The following ABCA2 variants were observed in gnomAD, a reference collection of about 807,000 sequenced individuals.
The protein encoded by ABCA2 is ATP-binding cassette sub-family A member 2.
A neutral mutation model predicts 262.8 loss-of-function variants in ABCA2; 84 were observed. The ratio of observed to expected loss-of-function variants is 0.32; its 90% confidence interval spans 0.27 to 0.38. The LOEUF (loss-of-function observed/expected upper bound fraction) is 0.38, where lower values mean the gene tolerates loss of function less well. Ranked by LOEUF, ABCA2 falls within the 10% of genes least tolerant of loss-of-function variation. The pLI, the probability that ABCA2 is intolerant of heterozygous loss-of-function variation, is 1.00. For synonymous variants in ABCA2, 1,696 were observed against 1,502.9 expected (o/e 1.13, Z -2.97); for missense variants, 2,662 against 3,405.9 (o/e 0.78, Z 5.44).
In ABCA2 at chr9:137,009,727, G is replaced by T. The variant is rs201527414; in HGVS notation, c.6630+42C>A. ...TGCCCCTGCCCGTGCTCACCAGGAA[G>T]TCAAAGGCCAGGCAGCCACCCCCCA... On this transcript the variant is annotated intron_variant, in intron 43 of 48. Transcript: ENST00000341511. The T allele has an allele frequency of 6.2e-5, 100 of 1,608,970 alleles. No homozygotes were observed. In the East Asian group the frequency reaches 2.2e-3, roughly 36 times the overall value.
At chr9:137,010,578 G>A (rs776644290) in intron 40 of ABCA2, 42 bp downstream of exon 40, 3 of 1,459,636 alleles carry the variant, frequency 2.1e-6, no homozygotes, top group Non-Finnish European at 1.9e-6. Context: ...CCTGGCCCTG[G>A]CCTACCCCAC....
intron 1 of ABCA2, among the ~76,000 whole-genome samples, chr9:137,025,058 C>T (rs1831606689): frequency 6.6e-6 from 1 of 152,210 alleles, no homozygotes; most frequent in South Asian, 2.1e-4. Flanking sequence ...TGGGCGTGAG[C>T]CACCACACCT....
Position 137,007,876 on chromosome 9 carries a change from C to T in ABCA2, c.*53G>A. On this transcript the variant is annotated 3_prime_UTR_variant, in exon 49 of 49. Coordinates refer to ENST00000341511, the MANE Select transcript of ABCA2 (RefSeq NM_001606.5). ...TCTGTCCCCATTGTTGAGTCCCTGG[C>T]CCAGCTCTGGGTGGTCAGTGGAGCG... The T allele has an allele frequency of 1.9e-6, 3 of 1,600,062 alleles. No individual in the cohort carries two copies. Among genetic ancestry groups the T allele is most frequent in the Non-Finnish European group, 2.5e-6 (3 of 1,178,406 alleles).
intron 3 of ABCA2, 106 bp downstream of exon 3, chr9:137,023,732 G>A (rs191727635): frequency 1.0e-4 from 73 of 710,850 alleles, no homozygotes; most frequent in Admixed American, 5.2e-4. Context: ...CAGGGGGCCC[G>A]GGAGGGCTGT....
At chr9:137,023,102 A>G in intron 3 of ABCA2, 50 bp from the exon 4 acceptor site, 1 of 1,395,616 alleles carries the variant, frequency 7.2e-7, no homozygotes, top group Non-Finnish European at 9.9e-7. Context: ...GGGGAGAGAG[A>G]GAGAGAGGAA....
rs1831715020 is a variant in ABCA2, at chr9:137,028,003, G to C, written c.66+72C>G. ...CGCGCGCCCGGCCGTCCGCACGTGCGCGCGGGGAGCGCGCCTCTGGCCGCG... is the reference window on the plus strand; with the variant it reads ...CGCGCGCCCGGCCGTCCGCACGTGCCCGCGGGGAGCGCGCCTCTGGCCGCG... On this transcript the variant is annotated intron_variant, in intron 1 of 48. Coordinates refer to ENST00000341511, the MANE Select transcript of ABCA2 (RefSeq NM_001606.5). The surrounding 1 kb of genome is among the most constrained non-coding windows in gnomAD (Gnocchi z 6.9). 1.2e-6 allele frequency: 1 copy of C among 866,654 alleles called. No homozygotes were observed. Among genetic ancestry groups the C allele is most frequent in the African/African-American group, 1.8e-5 (1 of 54,306 alleles). The allele number at this position is 866,654 out of a possible 1,614,324, so 53.7% of individuals were successfully genotyped here.
intron 1 of ABCA2, among the ~76,000 whole-genome samples, chr9:137,024,913 C>T (rs921467312): frequency 1.3e-5 from 2 of 152,094 alleles, no homozygotes; most frequent in African/African-American, 4.8e-5. Context: ...ATTCTCTTGC[C>T]TCAGCCTCTC....
Position 137,021,082 on chromosome 9 carries a change from G to C in ABCA2, c.898-21C>G. 6.8e-7 allele frequency: 1 copy of C among 1,465,232 alleles called. No individual in the cohort carries two copies. The highest frequency in any genetic ancestry group is 9.0e-7 in the Non-Finnish European group (1 of 1,108,694). The allele number at this position is 1,465,232 out of a possible 1,614,324, so 90.8% of individuals were successfully genotyped here. A position where few individuals can be genotyped will look rare whatever the true frequency, so the allele number is the denominator to read the frequency against. On this transcript the variant is annotated intron_variant, in intron 8 of 48. Transcript: ENST00000341511. The surrounding 1 kb of genome is among the most constrained non-coding windows in gnomAD (Gnocchi z 6.0). ...CCCAGCTGAGGGGAAACAGGCACGT[G>C]GGCAGTGCGGGGTGAGATGGACTGC... is the stretch of plus-strand genomic sequence containing the variant.
intron 48 of ABCA2, chr9:137,008,196 C>G: frequency 1.2e-6 from 1 of 807,076 alleles, no homozygotes; most frequent in South Asian, 1.5e-5. Context: ...CTGCCCCACC[C>G]TTGCTCTGTG....
chr9:137,015,131 T>C (rs2131445136), intron 24 of ABCA2, 34 bp from the exon 25 acceptor site: 2 of 1,543,616 alleles, frequency 1.3e-6, no homozygotes, highest in Non-Finnish European at 1.7e-6. Flanking sequence ...AGGAATTCAC[T>C]CAGGGGCTGG....
chr9:137,012,913 G>A lies in ABCA2; in HGVS notation c.4880C>T (p.Ser1627Leu), dbSNP rs749362777. ...PPTAGPEMWT[S>L]APSLPRLVRE... The stretch of plus-strand genomic sequence containing the variant: ...TACCAGGCGCGGCAGGGAGGGTGCC[G>A]ACGTCCACATTTCTGTGGGCACAGC... The change falls in exon 31 of 49, where the codon TCG becomes TTG. Residue 1627 changes from serine (S) to leucine (L), a missense_variant. Physicochemically the swap from Ser to Leu is moderately radical, Grantham distance 145. Coordinates refer to ENST00000341511, the MANE Select transcript of ABCA2 (RefSeq NM_001606.5). 1.4e-5 allele frequency: 22 copies of A among 1,523,544 alleles called. No homozygotes were observed. Among genetic ancestry groups the A allele is most frequent in the East Asian group, 1.4e-4 (6 of 41,852 alleles). The allele number at this position is 1,523,544 out of a possible 1,614,324, so 94.4% of individuals were successfully genotyped here.
intron 3 of ABCA2, chr9:137,023,300 C>T (rs1405879776): frequency 1.1e-5 from 7 of 658,686 alleles, no homozygotes; most frequent in East Asian, 8.2e-5. Context: ...TGCCATAACT[C>T]CCAGAGCATT....
rs560729664 is a variant in ABCA2 at position 137,016,769 on chromosome 9, C to T, written c.2759-31G>A. The stretch of plus-strand genomic sequence containing the variant: ...GGTCGGGGAGGGGAGGGGAGGCTGA[C>T]CTAGGGCCTGGGGTGACCATCCACC... On this transcript the variant is annotated intron_variant, in intron 19 of 48. Transcript: ENST00000341511. The T allele has an allele frequency of 7.9e-5, 121 of 1,540,646 alleles. 4 individuals are homozygous for T. The South Asian group carries it at 1.5e-3, about 19-fold the overall frequency.
chr9:137,014,429 G>C lies in ABCA2; in HGVS notation c.4004-25C>G, dbSNP rs1564218480. 3 of 1,561,804 alleles carry C rather than the reference G, an allele frequency of 1.9e-6. No homozygotes were observed. In the Admixed American group the frequency reaches 5.6e-5, roughly 29 times the overall value. ...TCTGCCGCAGTGGAAGGGCCGAGGG[G>C]ACACTCAGGGCTACTGGCCCCTAGG... is the stretch of plus-strand genomic sequence containing the variant. On this transcript the variant is annotated intron_variant, in intron 26 of 48. Transcript: ENST00000341511.
rs776541559 is a variant in ABCA2, at chr9:137,014,409, C to T, written c.4004-5G>A. Reference sequence around the variant, plus strand: ...CCTTCCTGGACTCCTTCACATCTGCCGCAGTGGAAGGGCCGAGGGGACACT... The same window carrying T: ...CCTTCCTGGACTCCTTCACATCTGCTGCAGTGGAAGGGCCGAGGGGACACT... On this transcript the variant is annotated splice_polypyrimidine_tract_variant and splice_region_variant and intron_variant, in intron 26 of 48. Transcript: ENST00000341511. 8.7e-5 allele frequency: 137 copies of T among 1,582,984 alleles called. No individual in the cohort carries two copies. The highest frequency in any genetic ancestry group is 1.8e-4 in the Middle Eastern group (1 of 5,502).
intron 28 of ABCA2, 55 bp from the exon 29 acceptor site, chr9:137,013,618 C>G: frequency 1.3e-6 from 2 of 1,526,338 alleles, no homozygotes; most frequent in Non-Finnish European, 1.8e-6. Context: ...CCAGCGGCCC[C>G]CAAGCCTCGG....
Position 137,012,308 on chromosome 9 carries a change from C to G in ABCA2, c.5256G>C (p.Leu1752=). 6.2e-7 allele frequency: 1 copy of G among 1,612,192 alleles called. No individual in the cohort carries two copies. Among genetic ancestry groups the G allele is most frequent in the Non-Finnish European group, 8.5e-7 (1 of 1,179,666 alleles). ...TYLNSLNNAI[L]RANLPKSKGN... ...CCTTGCTCTTGGGCAGGTTGGCACG[C>G]AGGATGGCGTTGTTGAGGCTGTTGA... The change falls in exon 33 of 49, where the codon CTG becomes CTC. Residue 1752 remains leucine (L), a synonymous_variant. Coordinates refer to ENST00000341511, the MANE Select transcript of ABCA2 (RefSeq NM_001606.5).
chr9:137,019,551 T>A lies in ABCA2; in HGVS notation c.1426-245A>T, dbSNP rs1445481316. The A allele has an allele frequency of 2.0e-5, 9 of 460,776 alleles. No homozygotes were observed. Among genetic ancestry groups the A allele is most frequent in the African/African-American group, 4.1e-5 (2 of 48,888 alleles). The allele number at this position is 460,776 out of a possible 1,614,324, so 28.5% of individuals were successfully genotyped here. ...GATCCTCCCGCCTCAGCCCTCCAAGTAGCTGGGATTACAGGTGCCCACCAC... is the reference window on the plus strand; with the variant it reads ...GATCCTCCCGCCTCAGCCCTCCAAGAAGCTGGGATTACAGGTGCCCACCAC... On this transcript the variant is annotated intron_variant, in intron 10 of 48. Transcript: ENST00000341511. This position sits in a 1 kb window ranked among gnomAD's most constrained non-coding sequence, Gnocchi z 4.4.
chr9:137,010,875 T>TG, intron 39 of ABCA2, 98 bp downstream of exon 39: 6 of 621,378 alleles, frequency 9.7e-6, no homozygotes, highest in Non-Finnish European at 1.2e-5. Flanking sequence ...CACCCCCTCC[T>TG]GCCCCATCCC....
Sources: gnomAD v4.1 joint callset for allele counts (sites outside exome capture counted in the v4.1 genomes callset) on GRCh38, gnomAD v4.1.1 for gene constraint, Gnocchi (gnomAD v3.1) non-coding constraint, MANE v1.5 for transcripts, NCBI Gene and HGNC (gene_info 2026-07-23, HGNC 2026-07-21) for gene names.